GRAMD2A: variants seen among roughly 807,000 people sequenced by gnomAD.
GRAMD2A encodes the protein GRAM domain-containing protein 2A.
In GRAMD2A, 37 loss-of-function variants were observed where a neutral mutation model predicts 51.1. That is an observed-to-expected ratio of 0.72 (90% CI 0.56 to 0.95). The LOEUF (loss-of-function observed/expected upper bound fraction) is 0.95, where lower values mean the gene tolerates loss of function less well. Among genes scored for constraint, GRAMD2A ranks in the 40% least tolerant of loss-of-function variants. GRAMD2A has a pLI of 0.00. For synonymous variants in GRAMD2A, 136 were observed against 157.1 expected (o/e 0.87, Z 1.01); for missense variants, 414 against 426.9 (o/e 0.97, Z 0.27).
chr15:72,192,166 T>C (rs2081772504), intron 1 of GRAMD2A, among the ~76,000 whole-genome samples: 1 of 152,220 alleles, frequency 6.6e-6, no homozygotes, highest in African/African-American at 2.4e-5. Context: ...GAGGTATATA[T>C]GAAACAAACT....
At chr15:72,163,811 C>G in intron 8 of GRAMD2A, 54 bp from the exon 9 acceptor site, 1 of 1,563,808 alleles carries the variant, frequency 6.4e-7, no homozygotes, top group Middle Eastern at 1.7e-4. Context: ...TCTCACTTGC[C>G]CTAAGGAGCC....
At chr15:72,178,538 A>T (rs545206427) in intron 1 of GRAMD2A, among the ~76,000 whole-genome samples, 1 of 151,946 alleles carries the variant, frequency 6.6e-6, no homozygotes, top group South Asian at 2.1e-4. Flanking sequence ...CTTTTGCAAA[A>T]ATAATGTCAT....
At position 72,161,933 on chromosome 15, in the gene GRAMD2A, C is replaced by T. The variant is rs528556714; in HGVS notation, c.*76G>A. ...CTTAGCACAGCAGCAGCATAAACCA[C>T]AGGGATCATTGGTGGAGACTTAGCA... On this transcript the variant is annotated 3_prime_UTR_variant, in exon 12 of 12. Transcript: ENST00000309731. The T allele has an allele frequency of 6.0e-6, 9 of 1,501,068 alleles. No homozygotes were observed. The African/African-American group carries it at 1.1e-4, about 18-fold the overall frequency. 93.0% of individuals were successfully genotyped at this position (1,501,068 alleles called of 1,614,324 possible).
chr15:72,183,610 A>G (rs1007515314), intron 1 of GRAMD2A, among the ~76,000 whole-genome samples: 5 of 151,464 alleles, frequency 3.3e-5, no homozygotes, highest in African/African-American at 4.9e-5. Context: ...CAGGTGAATC[A>G]CCTGAGATCG....
In GRAMD2A at chr15:72,167,631, G is replaced by A. The variant is rs965039522; in HGVS notation, c.372+105C>T. ...ATCCAACCAGCAAGGGGCTTCACCCGGGGCCCAGCACGCAGAGAGATAGGC... is the reference window on the plus strand; with the variant it reads ...ATCCAACCAGCAAGGGGCTTCACCCAGGGCCCAGCACGCAGAGAGATAGGC... On this transcript the variant is annotated intron_variant, in intron 5 of 11. Transcript: ENST00000309731. The A allele has an allele frequency of 2.0e-5, 18 of 883,566 alleles. 1 individual carries two copies. The highest frequency in any genetic ancestry group is 1.5e-4 in the South Asian group (11 of 72,484). 54.7% of individuals were successfully genotyped at this position (883,566 alleles called of 1,614,324 possible). A position where few individuals can be genotyped will look rare whatever the true frequency, so the allele number is the denominator to read the frequency against.
intron 1 of GRAMD2A, among the ~76,000 whole-genome samples, chr15:72,188,744 A>G (rs866912470): frequency 2.6e-5 from 4 of 151,714 alleles, no homozygotes; most frequent in African/African-American, 9.7e-5. Flanking sequence ...GTGCAGTGGC[A>G]TGATCTTGGC....
chr15:72,186,450 G>T (rs1288869178), intron 1 of GRAMD2A, among the ~76,000 whole-genome samples: 1 of 151,474 alleles, frequency 6.6e-6, no homozygotes, highest in African/African-American at 2.4e-5. Context: ...TCAGCCTCCC[G>T]AGTAGCTGGG....
chr15:72,184,833 T>C (rs1365405376), intron 1 of GRAMD2A, among the ~76,000 whole-genome samples: 1 of 152,204 alleles, frequency 6.6e-6, no homozygotes, highest in Non-Finnish European at 1.5e-5. Context: ...CACTTACATG[T>C]TAAAGAGGGA....
chr15:72,168,571 A>C lies in GRAMD2A; in HGVS notation c.193-5T>G. On this transcript the variant is annotated splice_region_variant and splice_polypyrimidine_tract_variant and intron_variant, in intron 3 of 11. Transcript: ENST00000309731. Reference sequence around the variant, plus strand: ...GTTGTATTTATTCAGTGTTATCTGCAAACACACAGGCTGCGTCTGAGAAGC... The same window carrying C: ...GTTGTATTTATTCAGTGTTATCTGCCAACACACAGGCTGCGTCTGAGAAGC... The C allele has an allele frequency of 1.2e-6, 2 of 1,612,800 alleles. No homozygotes were observed. Among genetic ancestry groups the C allele is most frequent in the Non-Finnish European group, 1.7e-6 (2 of 1,178,974 alleles).
At chr15:72,182,415 TAAAG>T (rs1389297032) in intron 1 of GRAMD2A, among the ~76,000 whole-genome samples, 1 of 149,958 alleles carries the variant, frequency 6.7e-6, no homozygotes, top group Admixed American at 6.6e-5. Context: ...ATGAAACTCT[TAAAG>T]AAAACATAAG....
At chr15:72,179,496 G>C (rs1024113932) in intron 1 of GRAMD2A, among the ~76,000 whole-genome samples, 1 of 152,242 alleles carries the variant, frequency 6.6e-6, no homozygotes, top group Non-Finnish European at 1.5e-5. Flanking sequence ...CGAGGGAAGA[G>C]GGGGCAGGAG....
Position 72,197,713 on chromosome 15 carries a change from C to G in GRAMD2A, c.41+18G>C. ...CTCCGGAACCCCCGAGACCGGCCCC[C>G]GGGCCGCAACCCCTTACCCGCCCTC... On this transcript the variant is annotated intron_variant, in intron 1 of 11. Coordinates refer to ENST00000309731, the MANE Select transcript of GRAMD2A (RefSeq NM_001012642.3). 2 of 1,316,024 alleles carry G rather than the reference C, an allele frequency of 1.5e-6. No individual in the cohort carries two copies. The highest frequency in any genetic ancestry group is 6.3e-5 in the Admixed American group (2 of 31,622). The allele number at this position is 1,316,024 out of a possible 1,614,324, so 81.5% of individuals were successfully genotyped here.
At chr15:72,168,627 G>A in intron 3 of GRAMD2A, 61 bp from the exon 4 acceptor site, 5 of 1,404,122 alleles carry the variant, frequency 3.6e-6, no homozygotes, top group Non-Finnish European at 5.1e-6. Flanking sequence ...AAGGGGCCCT[G>A]CTCCAGCCAA....
Position 72,166,495 on chromosome 15 carries a change from GC to G in GRAMD2A, c.543+136del. On this transcript the variant is annotated intron_variant, in intron 7 of 11. Coordinates refer to ENST00000309731, the MANE Select transcript of GRAMD2A (RefSeq NM_001012642.3). The surrounding 1 kb of genome is among the most constrained non-coding windows in gnomAD (Gnocchi z 4.1). ...CCAAGTACTGTCTCTTGTACATTGAGCCTGAGCCTTTAACTCCCCTCTCCCT... is the reference window on the plus strand; with the variant it reads ...CCAAGTACTGTCTCTTGTACATTGAGCTGAGCCTTTAACTCCCCTCTCCCT... 2.9e-6 allele frequency: 2 copies of G among 686,058 alleles called. No homozygotes were observed. Among genetic ancestry groups the G allele is most frequent in the Admixed American group, 4.2e-5 (2 of 47,460 alleles). 42.5% of individuals were successfully genotyped at this position (686,058 alleles called of 1,614,324 possible).
intron 1 of GRAMD2A, among the ~76,000 whole-genome samples, chr15:72,181,511 G>C (rs945335276): frequency 6.6e-6 from 1 of 152,236 alleles, no homozygotes; most frequent in Non-Finnish European, 1.5e-5. Context: ...CAGGTGAAAG[G>C]CTGTAGCTCA....
intron 1 of GRAMD2A, among the ~76,000 whole-genome samples, chr15:72,191,941 T>C (rs899103623): frequency 6.6e-6 from 1 of 152,268 alleles, no homozygotes. Flanking sequence ...TGAATCCTTA[T>C]TAAATGGTAC....
At chr15:72,197,663 C>T in intron 1 of GRAMD2A, 68 bp downstream of exon 1, 1 of 1,212,120 alleles carries the variant, frequency 8.3e-7, no homozygotes, top group Non-Finnish European at 1.0e-6. Context: ...TCCTGCCCCG[C>T]GCGGCAGCAG....
At chr15:72,191,452 C>G (rs147205060) in intron 1 of GRAMD2A, among the ~76,000 whole-genome samples, 3,402 of 152,260 alleles carry the variant, frequency 0.022, 56 homozygotes, top group Non-Finnish European at 0.035. Context: ...ATCCGCCTGC[C>G]TTGGCCTCCC....
intron 7 of GRAMD2A, 44 bp from the exon 8 acceptor site, chr15:72,165,454 G>A (rs746928651): frequency 3.2e-6 from 5 of 1,578,960 alleles, no homozygotes; most frequent in Non-Finnish European, 4.4e-6. Context: ...ATCTGGAACA[G>A]GCAAGGTCAG....
Sources: gnomAD v4.1 joint callset for allele counts (sites outside exome capture counted in the v4.1 genomes callset) on GRCh38, gnomAD v4.1.1 for gene constraint, Gnocchi (gnomAD v3.1) non-coding constraint, MANE v1.5 for transcripts, NCBI Gene and HGNC (gene_info 2026-07-23, HGNC 2026-07-21) for gene names.